RIMS2: variants seen among roughly 807,000 people sequenced by gnomAD.
RIMS2 encodes regulating synaptic membrane exocytosis protein 2.
Under a neutral mutation model 174.4 loss-of-function variants are expected in RIMS2, and 59 were observed. The ratio of observed to expected loss-of-function variants is 0.34; its 90% CI spans 0.27 to 0.42. RIMS2 has a LOEUF of 0.42. RIMS2 is among the 10% of genes least tolerant of loss of function. The pLI is 1.00. For synonymous variants in RIMS2, 606 were observed against 572.5 expected (o/e 1.06, Z -0.84); for missense variants, 1,620 against 1,666.3 (o/e 0.97, Z 0.48).
At chr8:103,914,684 T>G (rs990376789) in intron 6 of RIMS2, among the ~76,000 whole-genome samples, 1 of 152,200 alleles carries the variant, frequency 6.6e-6, no homozygotes, top group Admixed American at 6.5e-5. Context: ...ACCCCGTGAT[T>G]TTTGAATTCA....
chr8:104,085,912 G>A (rs79374621), intron 19 of RIMS2, among the ~76,000 whole-genome samples: 5,721 of 152,188 alleles, frequency 0.038, 136 homozygotes, highest in Non-Finnish European at 0.052. Flanking sequence ...TGTCCTGTCA[G>A]CATCTGGAAA....
intron 1 of RIMS2, among the ~76,000 whole-genome samples, chr8:103,607,237 A>G (rs956659456): frequency 1.3e-5 from 2 of 151,928 alleles, no homozygotes; most frequent in African/African-American, 2.4e-5. Flanking sequence ...TCTGTGAAGT[A>G]TTTTATTTCT....
chr8:104,088,085 C>A (rs2097567963), intron 19 of RIMS2, among the ~76,000 whole-genome samples: 1 of 152,030 alleles, frequency 6.6e-6, no homozygotes, highest in Non-Finnish European at 1.5e-5. Flanking sequence ...TTATCTCTGA[C>A]AAGTACATTT....
intron 2 of RIMS2, among the ~76,000 whole-genome samples, chr8:103,730,210 T>C (rs904588637): frequency 2.0e-5 from 3 of 152,134 alleles, no homozygotes; most frequent in East Asian, 3.9e-4. Flanking sequence ...CTCTCTCTCT[T>C]TCTTTAGCTC....
intron 1 of RIMS2, among the ~76,000 whole-genome samples, chr8:103,548,341 A>G (rs1017934714): frequency 3.3e-5 from 5 of 152,214 alleles, no homozygotes; most frequent in Non-Finnish European, 7.3e-5. Context: ...TATCTCTGGG[A>G]TACAAGTTTT....
intron 1 of RIMS2, among the ~76,000 whole-genome samples, chr8:103,617,662 G>A (rs1402051574): frequency 1.3e-5 from 2 of 152,066 alleles, no homozygotes; most frequent in East Asian, 1.9e-4. Context: ...AAATTTATAA[G>A]AGAAAAACAA....
intron 4 of RIMS2, among the ~76,000 whole-genome samples, chr8:103,903,873 T>A (rs2073790268): frequency 6.6e-6 from 1 of 152,156 alleles, no homozygotes; most frequent in African/African-American, 2.4e-5. Context: ...TGTAGGAAGT[T>A]GGAAAGATAG....
chr8:103,786,204 A>G (rs1362689520), intron 3 of RIMS2, among the ~76,000 whole-genome samples: 2 of 151,810 alleles, frequency 1.3e-5, no homozygotes, highest in African/African-American at 2.4e-5. Flanking sequence ...AATTTTGTTG[A>G]TCCTTTCAAA....
chr8:104,133,448 AC>A lies in RIMS2; in HGVS notation c.3335-111467del, dbSNP rs2098490057. On this transcript the variant is annotated intron_variant, in intron 19 of 23. Coordinates refer to ENST00000504942, the Ensembl canonical transcript of RIMS2. ...CAAGAAAGAGAGGATAGGGTGCAGA[AC>A]AATTAGGTTTATAGACTGGTATTTG... Among the ~76,000 whole-genome samples, 7 of 152,266 alleles carry A rather than the reference AC, an allele frequency of 4.6e-5. No individual in the cohort carries two copies. In the South Asian group the frequency reaches 1.4e-3, roughly 32 times the overall value.
At chr8:103,858,324 T>C (rs1044413359) in intron 3 of RIMS2, among the ~76,000 whole-genome samples, 4 of 152,088 alleles carry the variant, frequency 2.6e-5, no homozygotes, top group Admixed American at 2.0e-4. Flanking sequence ...TTGTAGCTAG[T>C]AGAAAATTAA....
chr8:103,857,204 A>G (rs183552592), intron 3 of RIMS2, among the ~76,000 whole-genome samples: 8 of 152,330 alleles, frequency 5.3e-5, no homozygotes, highest in Admixed American at 3.9e-4. Flanking sequence ...TTATCAATAT[A>G]CAAATCTAGA....
intron 1 of RIMS2, among the ~76,000 whole-genome samples, chr8:103,651,719 A>G (rs868412255): frequency 2.3e-4 from 35 of 151,686 alleles, no homozygotes; most frequent in African/African-American, 7.5e-4. Context: ...GCCCTCCCCC[A>G]CCTCCCATTC....
chr8:104,069,869 G>A (rs11774995), intron 19 of RIMS2, among the ~76,000 whole-genome samples: 39,005 of 151,966 alleles, frequency 0.26, 5,335 homozygotes, highest in South Asian at 0.36. Context: ...TTCTGATATA[G>A]CTATTGAAGA....
intron 5 of RIMS2, among the ~76,000 whole-genome samples, chr8:103,911,809 C>G (rs2075729421): frequency 6.6e-6 from 1 of 151,806 alleles, no homozygotes; most frequent in Admixed American, 6.6e-5. Context: ...TGTTAGAGAA[C>G]TGTAAGAATT....
intron 1 of RIMS2, among the ~76,000 whole-genome samples, chr8:103,668,940 C>G (rs2096709926): frequency 6.6e-6 from 1 of 152,114 alleles, no homozygotes. Context: ...GATTTATATT[C>G]TCTTAAATAC....
intron 19 of RIMS2, among the ~76,000 whole-genome samples, chr8:104,095,181 T>C (rs1204255457): frequency 6.6e-6 from 1 of 152,138 alleles, no homozygotes; most frequent in African/African-American, 2.4e-5. Context: ...TTACAAGAAA[T>C]ATTATTTCCT....
At chr8:104,107,967 G>GCCCCC (rs11322161) in intron 19 of RIMS2, among the ~76,000 whole-genome samples, 16 of 141,218 alleles carry the variant, frequency 1.1e-4, no homozygotes, top group Admixed American at 7.8e-4. Flanking sequence ...TCTTTCCCCT[G>GCCCCC]CCCCCCCCCC....
At chr8:103,578,676 G>A (rs539485410) in intron 1 of RIMS2, among the ~76,000 whole-genome samples, 1 of 152,134 alleles carries the variant, frequency 6.6e-6, no homozygotes, top group East Asian at 1.9e-4. Context: ...TTTTCAAAGT[G>A]CTGAAGGAAA....
intron 19 of RIMS2, among the ~76,000 whole-genome samples, chr8:104,181,812 T>C (rs2098941573): frequency 6.6e-6 from 1 of 151,698 alleles, no homozygotes; most frequent in Non-Finnish European, 1.5e-5. Flanking sequence ...ATTTTTTATG[T>C]ACTTCGACAT....
Sources: gnomAD v4.1 joint callset for allele counts (sites outside exome capture counted in the v4.1 genomes callset) on GRCh38, gnomAD v4.1.1 for gene constraint, MANE v1.5 for transcripts, NCBI Gene and HGNC (gene_info 2026-07-23, HGNC 2026-07-21) for gene names.